MAPK10: variants seen among roughly 807,000 people sequenced by gnomAD.
MAPK10 encodes the protein JNK3 alpha protein kinase.
A neutral mutation model predicts 59.3 loss-of-function variants in MAPK10; 25 were observed. The ratio of observed to expected loss-of-function variants is 0.42; its 90% CI spans 0.31 to 0.59. The LOEUF (loss-of-function observed/expected upper bound fraction) is 0.59. MAPK10 is among the 20% of genes least tolerant of loss of function. The pLI, the probability that MAPK10 is intolerant of heterozygous loss-of-function variation, is 0.15. For missense variants in MAPK10, 351 were observed against 568.9 expected, an observed-to-expected ratio of 0.62 and a Z score of 3.90; for synonymous variants, 190 against 200.5, an observed-to-expected ratio of 0.95 and a Z score of 0.44.
chr4:86,220,876 G>A (rs1031771528), intron 2 of MAPK10, among the ~76,000 whole-genome samples: 2 of 152,162 alleles, frequency 1.3e-5, no homozygotes, highest in Non-Finnish European at 2.9e-5. Context: ...ATATGTTCAG[G>A]AGATTCAGTT....
At chr4:86,462,914 C>A (rs1751872831) in intron 1 of MAPK10, among the ~76,000 whole-genome samples, 1 of 152,152 alleles carries the variant, frequency 6.6e-6, no homozygotes, top group Non-Finnish European at 1.5e-5. Flanking sequence ...TTGAGGATAT[C>A]ATTTTTGATG....
At chr4:86,052,694 GT>G (rs1160133583) in intron 11 of MAPK10, among the ~76,000 whole-genome samples, 1 of 152,010 alleles carries the variant, frequency 6.6e-6, no homozygotes, top group Non-Finnish European at 1.5e-5. Flanking sequence ...ATACTCGGGT[GT>G]TGTTGTTGCT....
chr4:86,479,475 A>C (rs1293914831), intron 1 of MAPK10, among the ~76,000 whole-genome samples: 1 of 57,258 alleles, frequency 1.7e-5, no homozygotes. Context: ...ACCCCCCACC[A>C]AAAAAAAAAA....
chr4:86,519,880 G>C (rs547672259), intron 1 of MAPK10, among the ~76,000 whole-genome samples: 2 of 152,238 alleles, frequency 1.3e-5, no homozygotes, highest in African/African-American at 4.8e-5. Flanking sequence ...ATGAAGCTTA[G>C]TTTAGCTGGA....
At chr4:86,563,526 T>C (rs1760830355) in intron 1 of MAPK10, among the ~76,000 whole-genome samples, 1 of 152,266 alleles carries the variant, frequency 6.6e-6, no homozygotes, top group African/African-American at 2.4e-5. Context: ...GTTTGTGGTA[T>C]CTAGGCCCAT....
At chr4:86,159,063 T>A (rs1353712709) in intron 4 of MAPK10, 3 of 344,206 alleles carry the variant, frequency 8.7e-6, no homozygotes, top group East Asian at 4.4e-5. Flanking sequence ...TGTAATAACT[T>A]TTTTTCTCTG....
chr4:86,171,525 T>C (rs1019160258), intron 3 of MAPK10, among the ~76,000 whole-genome samples: 1 of 152,146 alleles, frequency 6.6e-6, no homozygotes, highest in African/African-American at 2.4e-5. Context: ...GCTAGCCATA[T>C]GTAGAAAGCG....
chr4:86,559,431 A>C (rs1462981266), intron 1 of MAPK10, among the ~76,000 whole-genome samples: 1 of 152,068 alleles, frequency 6.6e-6, no homozygotes, highest in Non-Finnish European at 1.5e-5. Context: ...ATGATACCTT[A>C]CTCTATTAAA....
chr4:86,128,375 A>G (rs2060431174), intron 4 of MAPK10, among the ~76,000 whole-genome samples: 1 of 152,030 alleles, frequency 6.6e-6, no homozygotes, highest in South Asian at 2.1e-4. Flanking sequence ...GATGGAGGTA[A>G]TTTAATCATG....
chr4:86,106,750 GAAC>G (rs921901484), intron 5 of MAPK10: 13 of 152,314 alleles, frequency 8.5e-5, no homozygotes, highest in African/African-American at 3.1e-4. Context: ...TGAATTCACT[GAAC>G]AATTAGAGGC....
intron 2 of MAPK10, among the ~76,000 whole-genome samples, chr4:86,225,565 ACT>A (rs1218510532): frequency 6.6e-6 from 1 of 152,068 alleles, no homozygotes; most frequent in Non-Finnish European, 1.5e-5. Flanking sequence ...TGCGAATGTA[ACT>A]CTATATTTTG....
At chr4:86,583,921 GAAAGAAAGGGCTGGTGATTTCTC>G (rs1402051703) in intron 1 of MAPK10, among the ~76,000 whole-genome samples, 1 of 152,102 alleles carries the variant, frequency 6.6e-6, no homozygotes, top group Admixed American at 6.6e-5. Flanking sequence ...GCTATTTGCT[GAAAGAAAGGGCTGGTGATTTCTC>G]AAAGAAAGGG....
intron 13 of MAPK10, chr4:86,027,617 AT>A (rs1186261734): frequency 2.0e-5 from 3 of 152,218 alleles, no homozygotes; most frequent in African/African-American, 7.2e-5. Context: ...CTTGTCTTGA[AT>A]TTTGTGTTTG....
chr4:86,067,977 G>A (rs781099906), intron 9 of MAPK10, 22 bp from the exon 10 acceptor site: 12 of 1,540,372 alleles, frequency 7.8e-6, no homozygotes, highest in Non-Finnish European at 1.1e-5. Context: ...ACAGTTAAGG[G>A]AAAAAAGAAG....
intron 2 of MAPK10, among the ~76,000 whole-genome samples, chr4:86,339,830 T>C (rs1022665337): frequency 6.6e-6 from 1 of 152,216 alleles, no homozygotes; most frequent in African/African-American, 2.4e-5. Flanking sequence ...ATATAAGTCA[T>C]GTGTCATAAG....
At chr4:86,456,103 A>G (rs1361847021), upstream of MAPK10, among the ~76,000 whole-genome samples, 1 of 152,168 alleles carries the variant, frequency 6.6e-6, no homozygotes, top group Non-Finnish European at 1.5e-5. Context: ...AAATTCTTCA[A>G]ACTGAATGAC....
At chr4:86,295,723 GAATATAT>G (rs2095343297) in intron 2 of MAPK10, among the ~76,000 whole-genome samples, 1 of 145,828 alleles carries the variant, frequency 6.9e-6, no homozygotes, top group East Asian at 2.0e-4. Flanking sequence ...CTTTATATAT[GAATATAT>G]AATATATAAA....
chr4:86,336,067 G>T (rs1318492), intron 2 of MAPK10, among the ~76,000 whole-genome samples: 108,746 of 151,962 alleles, frequency 0.72, 39,814 homozygotes, highest in South Asian at 0.9. Context: ...AGAATCAAAA[G>T]ATTTTTTAAT....
chr4:86,193,745 C>G (rs2080529612), intron 3 of MAPK10: 1 of 157,508 alleles, frequency 6.3e-6, no homozygotes, highest in African/African-American at 2.4e-5. Flanking sequence ...GCTTCAGCCC[C>G]CTTTCCAGGG....
Sources: gnomAD v4.1 joint callset for allele counts (sites outside exome capture counted in the v4.1 genomes callset) on GRCh38, gnomAD v4.1.1 for gene constraint, MANE v1.5 for transcripts, NCBI Gene and HGNC (gene_info 2026-07-23, HGNC 2026-07-21) for gene names.